RNF185: variants seen among roughly 807,000 people sequenced by gnomAD.
RNF185 encodes ring finger protein 185.
Under a neutral mutation model 24.9 loss-of-function variants are expected in RNF185, and 13 were observed. That is an observed-to-expected ratio of 0.52 (90% CI 0.34 to 0.83). The LOEUF is 0.83. Among genes scored for constraint, RNF185 ranks in the 40% least tolerant of loss-of-function variants. RNF185 has a pLI of 0.01. For synonymous variants in RNF185, 79 were observed against 90.3 expected, an observed-to-expected ratio of 0.88 and a Z score of 0.71; for missense variants, 184 against 244.7, an observed-to-expected ratio of 0.75 and a Z score of 1.65.
intron 1 of RNF185, among the ~76,000 whole-genome samples, chr22:31,160,811 A>G (rs1923523087): frequency 6.6e-6 from 1 of 152,130 alleles, no homozygotes; most frequent in Non-Finnish European, 1.5e-5. Context: ...TATGGTTCTT[A>G]CACCATCTGC....
At chr22:31,184,120 C>G (rs532740806) in intron 1 of RNF185, among the ~76,000 whole-genome samples, 58 of 150,772 alleles carry the variant, frequency 3.8e-4, no homozygotes, top group African/African-American at 1.3e-3. Flanking sequence ...ACCTCCTGGA[C>G]GGGGCAGCTG....
At chr22:31,176,507 TAGAC>T (rs1434311285) in intron 1 of RNF185, among the ~76,000 whole-genome samples, 1 of 143,332 alleles carries the variant, frequency 7.0e-6, no homozygotes, top group Non-Finnish European at 1.5e-5. Context: ...TTTTTTTTTT[TAGAC>T]AGAGTCTTGC....
intron 1 of RNF185, among the ~76,000 whole-genome samples, chr22:31,170,729 C>T (rs1202760752): frequency 3.3e-5 from 5 of 151,936 alleles, no homozygotes; most frequent in African/African-American, 4.8e-5. Flanking sequence ...AAGGTGGTCT[C>T]GAACTCCTGA....
In RNF185 at chr22:31,202,540, T is replaced by C. The variant is rs370229223; in HGVS notation, c.481+925T>C. Among the ~76,000 whole-genome samples, 43 of 151,894 alleles carry C rather than the reference T, an allele frequency of 2.8e-4. No individual in the cohort carries two copies. The East Asian group carries it at 5.2e-3, about 18-fold the overall frequency. ...TCTTGACTGCCTGCCTGCCTGCCTG[T>C]CTGTCTTCGTGAATCCATCAGAGCA... On this transcript the variant is annotated intron_variant, in intron 6 of 6. Transcript: ENST00000326132.
chr22:31,176,960 G>C (rs190022736), intron 1 of RNF185, among the ~76,000 whole-genome samples: 2 of 152,272 alleles, frequency 1.3e-5, no homozygotes, highest in African/African-American at 4.8e-5. Flanking sequence ...TAAAATCATG[G>C]AGCCCTTTGG....
intron 1 of RNF185, among the ~76,000 whole-genome samples, chr22:31,169,887 C>T (rs1270637519): frequency 3.3e-5 from 5 of 152,146 alleles, no homozygotes; most frequent in African/African-American, 7.2e-5. Context: ...CTGTAGATGA[C>T]AGGAGTCCAT....
intron 1 of RNF185, among the ~76,000 whole-genome samples, chr22:31,164,513 G>T (rs1031310080): frequency 6.6e-6 from 1 of 151,364 alleles, no homozygotes; most frequent in African/African-American, 2.4e-5. Flanking sequence ...ACCCAATCCT[G>T]GATCCTACAT....
In RNF185 at chr22:31,204,885, G is replaced by A; in HGVS notation, c.*299G>A. 3.4e-6 allele frequency: 1 copy of A among 296,378 alleles called. No homozygotes were observed. The highest frequency in any genetic ancestry group is 5.7e-5 in the East Asian group (1 of 17,588). The allele number at this position is 296,378 out of a possible 1,614,324, so 18.4% of individuals were successfully genotyped here. On this transcript the variant is annotated 3_prime_UTR_variant, in exon 7 of 7. Coordinates refer to ENST00000326132, the MANE Select transcript of RNF185 (RefSeq NM_152267.4). Reference sequence around the variant, plus strand: ...TTCTGCAGGTCCTGACTCTGCAGAGGGAAGAGGCAGAAAGAGAGAAACTGT... The same window carrying A: ...TTCTGCAGGTCCTGACTCTGCAGAGAGAAGAGGCAGAAAGAGAGAAACTGT...
rs536535959 is a variant in RNF185 at position 31,161,877 on chromosome 22, T to C, written c.-49+1574T>C. On this transcript the variant is annotated intron_variant, in intron 1 of 6. Coordinates refer to ENST00000326132, the MANE Select transcript of RNF185 (RefSeq NM_152267.4). ...GTTCACACACATGACAAGTTCCAGCTTTTTTTTTTTTTTTTTTGAGTATTT... is the reference window on the plus strand; with the variant it reads ...GTTCACACACATGACAAGTTCCAGCCTTTTTTTTTTTTTTTTTGAGTATTT... 4.3e-4 allele frequency among the ~76,000 whole-genome samples: 17 copies of C among 39,514 alleles called. 1 individual carries two copies. Among genetic ancestry groups the C allele is most frequent in the African/African-American group, 1.1e-3 (17 of 15,418 alleles). 25.9% of individuals were successfully genotyped at this position (39,514 alleles called of 152,430 possible).
Position 31,204,376 on chromosome 22 carries a change from G to A in RNF185, c.482-113G>A, listed in dbSNP as rs181187218. ...AAAAAAGAAATCTTTTTGTGTGTAG[G>A]ATTCTGATGTTGTAAAGAGATAAAG... is the stretch of plus-strand genomic sequence containing the variant. On this transcript the variant is annotated intron_variant, in intron 6 of 6. Transcript: ENST00000326132. 5.5e-4 allele frequency: 391 copies of A among 714,780 alleles called. 1 individual carries two copies. The highest frequency in any genetic ancestry group is 1.5e-4 in the South Asian group (10 of 65,090). The allele number at this position is 714,780 out of a possible 1,614,324, so 44.3% of individuals were successfully genotyped here.
At chr22:31,170,570 G>A (rs1307471415) in intron 1 of RNF185, among the ~76,000 whole-genome samples, 1 of 152,060 alleles carries the variant, frequency 6.6e-6, no homozygotes, top group Non-Finnish European at 1.5e-5. Flanking sequence ...GAGTGCGGTA[G>A]TATGATCTCA....
intron 5 of RNF185, among the ~76,000 whole-genome samples, chr22:31,200,578 T>G (rs1024820794): frequency 2.6e-5 from 4 of 152,326 alleles, no homozygotes; most frequent in African/African-American, 9.6e-5. Flanking sequence ...AAAAGGGAGT[T>G]ATTTATTCAC....
Position 31,195,601 on chromosome 22 carries a change from C to T in RNF185, c.308+20C>T. The T allele has an allele frequency of 1.4e-6, 2 of 1,459,654 alleles. No homozygotes were observed. Among genetic ancestry groups the T allele is most frequent in the Middle Eastern group, 1.7e-4 (1 of 5,786 alleles). 90.4% of individuals were successfully genotyped at this position (1,459,654 alleles called of 1,614,324 possible). On this transcript the variant is annotated intron_variant, in intron 4 of 6. Coordinates refer to ENST00000326132, the MANE Select transcript of RNF185 (RefSeq NM_152267.4). ...CCCCAGGTGAGGACTCAGGATGCCT[C>T]TCCCAACCACTTCTCCCCTTGGATG...
chr22:31,198,704 C>CTTTTTTTT (rs1196076379), intron 5 of RNF185, among the ~76,000 whole-genome samples: 2 of 69,676 alleles, frequency 2.9e-5, no homozygotes, highest in African/African-American at 1.0e-4. Flanking sequence ...CTGCCACTTT[C>CTTTTTTTT]TTTTTTTTTT....
chr22:31,174,444 A>G (rs773327451), intron 1 of RNF185, among the ~76,000 whole-genome samples: 4 of 152,118 alleles, frequency 2.6e-5, no homozygotes, highest in Non-Finnish European at 5.9e-5. Context: ...CAGTGGCGTC[A>G]TCATCGCTCA....
At chr22:31,181,731 A>G (rs1602815681) in intron 1 of RNF185, among the ~76,000 whole-genome samples, 1 of 152,086 alleles carries the variant, frequency 6.6e-6, no homozygotes, top group Non-Finnish European at 1.5e-5. Context: ...GGAAACCATC[A>G]TTCTCAGCAA....
At chr22:31,194,875 A>G (rs950308980) in intron 3 of RNF185, among the ~76,000 whole-genome samples, 1 of 152,208 alleles carries the variant, frequency 6.6e-6, no homozygotes, top group African/African-American at 2.4e-5. Context: ...TGACAGCCCC[A>G]GACTTGCAGT....
chr22:31,189,841 G>T lies in RNF185; in HGVS notation c.176+2571G>T, dbSNP rs566034895. Reference sequence around the variant, plus strand: ...GATCTTCTGACCTCGTTATCTGCCCGCCTCGGCCTCCCATAGTGCTGGGAT... The same window carrying T: ...GATCTTCTGACCTCGTTATCTGCCCTCCTCGGCCTCCCATAGTGCTGGGAT... On this transcript the variant is annotated intron_variant, in intron 2 of 6. Transcript: ENST00000326132. Among the ~76,000 whole-genome samples, 38 of 151,740 alleles carry T rather than the reference G, an allele frequency of 2.5e-4. No individual in the cohort carries two copies. The South Asian group carries it at 7.7e-3, about 31-fold the overall frequency.
Position 31,172,939 on chromosome 22 carries a change from C to T in RNF185, c.-49+12636C>T, listed in dbSNP as rs190828086. On this transcript the variant is annotated intron_variant, in intron 1 of 6. Transcript: ENST00000326132. Reference sequence around the variant, plus strand: ...GGTGTTATACTAGAAATTCACAGCCCTTGACTGGTATCTGTCCAGTCTGAA... The same window carrying T: ...GGTGTTATACTAGAAATTCACAGCCTTTGACTGGTATCTGTCCAGTCTGAA... Among the ~76,000 whole-genome samples, 3 of 152,238 alleles carry T rather than the reference C, an allele frequency of 2.0e-5. 1 individual carries two copies. Among genetic ancestry groups the T allele is most frequent in the Non-Finnish European group, 4.4e-5 (3 of 68,018 alleles).
Sources: gnomAD v4.1 joint callset for allele counts (sites outside exome capture counted in the v4.1 genomes callset) on GRCh38, gnomAD v4.1.1 for gene constraint, MANE v1.5 for transcripts, NCBI Gene and HGNC (gene_info 2026-07-23, HGNC 2026-07-21) for gene names.